The following SUCLG2 variants were observed in gnomAD, a reference collection of about 807,000 sequenced individuals.
SUCLG2 encodes the protein succinate-CoA ligase GDP-forming subunit beta.
SUCLG2 carries 42 observed loss-of-function variants against 47.9 expected under a neutral mutation model. That is an observed-to-expected ratio of 0.88 (90% CI 0.69 to 1.14). SUCLG2 has a LOEUF of 1.14. Among genes scored for constraint, SUCLG2 ranks in the 50% most tolerant of loss-of-function variants. The pLI is 0.00. For missense variants in SUCLG2, 571 were observed against 525.9 expected, an observed-to-expected ratio of 1.09 and a Z score of -0.84; for synonymous variants, 195 against 197.3, an observed-to-expected ratio of 0.99 and a Z score of 0.10.
At chr3:67,584,797 G>A (rs1707970059) in intron 2 of SUCLG2, among the ~76,000 whole-genome samples, 1 of 152,172 alleles carries the variant, frequency 6.6e-6, no homozygotes, top group Non-Finnish European at 1.5e-5. Context: ...GTGGCAGGAA[G>A]GGGAAGTGCC....
chr3:67,571,309 C>T (rs955470138), intron 2 of SUCLG2, among the ~76,000 whole-genome samples: 9 of 152,102 alleles, frequency 5.9e-5, no homozygotes, highest in African/African-American at 1.9e-4. Flanking sequence ...CTACAATGCA[C>T]AGGACAGCCC....
chr3:67,428,810 G>C (rs191918180), intron 9 of SUCLG2, among the ~76,000 whole-genome samples: 4 of 152,322 alleles, frequency 2.6e-5, no homozygotes, highest in African/African-American at 9.6e-5. Flanking sequence ...GCATGCACAA[G>C]CTTCAGTAGC....
intron 9 of SUCLG2, among the ~76,000 whole-genome samples, chr3:67,455,810 T>C (rs1191621944): frequency 2.0e-5 from 3 of 152,208 alleles, no homozygotes; most frequent in Non-Finnish European, 2.9e-5. Flanking sequence ...CATTTTGTTC[T>C]ACTACCCAGT....
At chr3:67,436,303 C>T (rs1434873619) in intron 9 of SUCLG2, among the ~76,000 whole-genome samples, 1 of 152,098 alleles carries the variant, frequency 6.6e-6, no homozygotes, top group Non-Finnish European at 1.5e-5. Context: ...TCCTGCTTTC[C>T]AGCCCTTTGC....
At chr3:67,636,955 C>G (rs1485038568) in intron 1 of SUCLG2, among the ~76,000 whole-genome samples, 1 of 152,044 alleles carries the variant, frequency 6.6e-6, no homozygotes, top group Non-Finnish European at 1.5e-5. Context: ...GCCCAGGGAG[C>G]TGTAGAAAGT....
chr3:67,654,391 C>G, intron 1 of SUCLG2, 112 bp downstream of exon 1: 1 of 910,518 alleles, frequency 1.1e-6, no homozygotes, highest in Non-Finnish European at 1.4e-6. Context: ...AAGTGGGGCG[C>G]CCGAGGGGCC....
At chr3:67,558,829 C>T (rs1343926305) in intron 2 of SUCLG2, among the ~76,000 whole-genome samples, 4 of 152,076 alleles carry the variant, frequency 2.6e-5, no homozygotes, top group Non-Finnish European at 5.9e-5. Context: ...GTTTGTTAAC[C>T]AGATCAATGA....
At chr3:67,405,689 G>A (rs754206615) in intron 9 of SUCLG2, among the ~76,000 whole-genome samples, 1 of 152,132 alleles carries the variant, frequency 6.6e-6, no homozygotes. Context: ...AGGGCTATGA[G>A]TTTCAGAGGA....
intron 2 of SUCLG2, among the ~76,000 whole-genome samples, chr3:67,597,121 A>G (rs1407721436): frequency 6.6e-6 from 1 of 152,170 alleles, no homozygotes; most frequent in East Asian, 1.9e-4. Flanking sequence ...AACCATCCCC[A>G]CATTTCAACT....
At chr3:67,401,992 G>A (rs66610125) in intron 9 of SUCLG2, among the ~76,000 whole-genome samples, 37,561 of 152,042 alleles carry the variant, frequency 0.25, 5,316 homozygotes, top group African/African-American at 0.39. Flanking sequence ...AGCTGAGAAA[G>A]CCATCGGGCG....
At chr3:67,432,911 C>G (rs140760902) in intron 9 of SUCLG2, among the ~76,000 whole-genome samples, 1 of 152,172 alleles carries the variant, frequency 6.6e-6, no homozygotes, top group Non-Finnish European at 1.5e-5. Context: ...AATTTTAAAA[C>G]GAAGAGGAAC....
rs1226708255 is a variant in SUCLG2 at position 67,512,566 on chromosome 3, C to CAT, written c.661-3665_661-3664dup. Among the ~76,000 whole-genome samples the CAT allele has an allele frequency of 1.1e-3, 170 of 149,328 alleles. 1 individual carries two copies. The highest frequency in any genetic ancestry group is 9.7e-3 in the East Asian group (49 of 5,040). On this transcript the variant is annotated intron_variant, in intron 6 of 10. Transcript: ENST00000307227. ...ATAATAGAAATAACTTCTGGGTACA[C>CAT]ATATATATATATATGTATAATCTAA... is the stretch of plus-strand genomic sequence containing the variant.
chr3:67,619,435 G>A (rs1447555439), intron 1 of SUCLG2, among the ~76,000 whole-genome samples: 1 of 152,208 alleles, frequency 6.6e-6, no homozygotes, highest in African/African-American at 2.4e-5. Flanking sequence ...TAACTAGGCA[G>A]TGCTGGTGTA....
intron 1 of SUCLG2, among the ~76,000 whole-genome samples, chr3:67,651,886 T>C (rs913547637): frequency 6.6e-6 from 1 of 152,180 alleles, no homozygotes; most frequent in African/African-American, 2.4e-5. Flanking sequence ...CTGACTGATT[T>C]TCTTCACAGA....
chr3:67,528,065 T>A, intron 4 of SUCLG2, 67 bp downstream of exon 4: 2 of 1,417,816 alleles, frequency 1.4e-6, no homozygotes, highest in Non-Finnish European at 9.8e-7. Flanking sequence ...TGTCAAAAAC[T>A]GAAGGATGGT....
intron 2 of SUCLG2, among the ~76,000 whole-genome samples, chr3:67,533,333 A>G (rs1706451441): frequency 6.6e-6 from 1 of 152,186 alleles, no homozygotes; most frequent in African/African-American, 2.4e-5. Flanking sequence ...CAATGAGATG[A>G]CTACTACAAT....
At chr3:67,494,462 A>T (rs968776798) in intron 9 of SUCLG2, among the ~76,000 whole-genome samples, 4 of 151,868 alleles carry the variant, frequency 2.6e-5, no homozygotes, top group Non-Finnish European at 4.4e-5. Context: ...CAGCAAGACA[A>T]AAAATAAAAA....
chr3:67,602,390 C>T (rs1708439595), intron 2 of SUCLG2, among the ~76,000 whole-genome samples: 1 of 152,104 alleles, frequency 6.6e-6, no homozygotes, highest in Non-Finnish European at 1.5e-5. Context: ...TGTACACTCC[C>T]ATAAAGCCTG....
chr3:67,626,912 T>TG (rs1700841043), intron 1 of SUCLG2, among the ~76,000 whole-genome samples: 1 of 22,284 alleles, frequency 4.5e-5, no homozygotes, highest in Non-Finnish European at 8.5e-5. Flanking sequence ...AGACTCCGTC[T>TG]CAAAAAAAAA....
Sources: gnomAD v4.1 joint callset for allele counts (sites outside exome capture counted in the v4.1 genomes callset) on GRCh38, gnomAD v4.1.1 for gene constraint, MANE v1.5 for transcripts, NCBI Gene and HGNC (gene_info 2026-07-23, HGNC 2026-07-21) for gene names.